EFHC2: variants seen among roughly 807,000 people sequenced by gnomAD.
EFHC2 encodes EF-hand domain-containing family member C2.
A neutral mutation model predicts 52.7 loss-of-function variants in EFHC2; 18 were observed. The observed-to-expected ratio is 0.34, with a 90% confidence interval of 0.24 to 0.51. The LOEUF (loss-of-function observed/expected upper bound fraction) is 0.51. EFHC2 is among the 20% of genes least tolerant of loss of function. The pLI, the probability that EFHC2 is intolerant of heterozygous loss-of-function variation, is 0.97. For synonymous variants in EFHC2, 203 were observed against 204.1 expected (o/e 0.99, Z 0.04); for missense variants, 513 against 562.5 (o/e 0.91, Z 0.89).
intron 11 of EFHC2, among the ~76,000 whole-genome samples, chrX:44,227,222 T>C (rs762889032): frequency 3.2e-4 from 35 of 110,304 alleles, no homozygotes; most frequent in Non-Finnish European, 5.9e-4. Flanking sequence ...GCATACATAA[T>C]GAAAGGAAAA....
intron 2 of EFHC2, among the ~76,000 whole-genome samples, chrX:44,305,502 A>C (rs2037899055): frequency 8.9e-6 from 1 of 111,784 alleles, no homozygotes; most frequent in South Asian, 3.7e-4. Flanking sequence ...CTAGCTTAAT[A>C]ACAGATAATA....
chrX:44,227,056 T>A (rs1447147864), intron 11 of EFHC2, among the ~76,000 whole-genome samples: 1 of 110,192 alleles, frequency 9.1e-6, no homozygotes, highest in African/African-American at 3.3e-5. Flanking sequence ...CCCATTCAAC[T>A]AGTATTTATT....
At position 44,321,490 on chromosome X, in the gene EFHC2, T is replaced by G. The variant is rs771643134; in HGVS notation, c.43-8734A>C. Among the ~76,000 whole-genome samples, 7 of 111,549 alleles carry G rather than the reference T, an allele frequency of 6.3e-5. No homozygotes were observed. In the South Asian group the frequency reaches 2.6e-3, roughly 42 times the overall value. On this transcript the variant is annotated intron_variant, in intron 1 of 14. Transcript: ENST00000420999. Reference sequence around the variant, plus strand: ...ACAGTGCTGGAATGAATGATGATAGTGCAGAAAAGAAGTCCAAGACTGAGC... The same window carrying G: ...ACAGTGCTGGAATGAATGATGATAGGGCAGAAAAGAAGTCCAAGACTGAGC...
chrX:44,252,049 T>C (rs1196779175), intron 4 of EFHC2, among the ~76,000 whole-genome samples: 2 of 111,968 alleles, frequency 1.8e-5, no homozygotes, highest in Non-Finnish European at 3.8e-5. Context: ...ATATTCACTG[T>C]TTTATTTCAG....
At chrX:44,256,560 C>T (rs185153231) in intron 4 of EFHC2, among the ~76,000 whole-genome samples, 185 of 111,670 alleles carry the variant, frequency 1.7e-3, no homozygotes, top group Non-Finnish European at 2.6e-3. Context: ...TGGACACATA[C>T]ACCCTCCCAA....
At chrX:44,317,010 G>A (rs1030722345) in intron 1 of EFHC2, among the ~76,000 whole-genome samples, 3 of 111,960 alleles carry the variant, frequency 2.7e-5, no homozygotes, top group South Asian at 3.7e-4. Flanking sequence ...CCGTCATTAC[G>A]AGACTGAACG....
intron 2 of EFHC2, among the ~76,000 whole-genome samples, chrX:44,283,499 C>G (rs774830935): frequency 9.1e-6 from 1 of 109,519 alleles, no homozygotes; most frequent in Non-Finnish European, 1.9e-5. Context: ...AGCACTTTGA[C>G]TCCCCGGAAG....
chrX:44,266,358 T>A (rs747751200), intron 3 of EFHC2, among the ~76,000 whole-genome samples: 1 of 110,367 alleles, frequency 9.1e-6, no homozygotes, highest in East Asian at 2.9e-4. Context: ...TTTTTTTAAA[T>A]TTTTTTAATT....
At position 44,286,679 on chromosome X, in the gene EFHC2, T is replaced by C. The variant is rs1172449765; in HGVS notation, c.232-13843A>G. On this transcript the variant is annotated intron_variant, in intron 2 of 14. Coordinates refer to ENST00000420999, the MANE Select transcript of EFHC2 (RefSeq NM_025184.4). ...AATTTTAAAAGTGAGGTAGGTGATT[T>C]GTGTATTATATTTGTATATTATAGG... 1.4e-4 allele frequency among the ~76,000 whole-genome samples: 16 copies of C among 111,194 alleles called. No homozygotes were observed. In the Admixed American group the frequency reaches 1.5e-3, roughly 11 times the overall value.
intron 2 of EFHC2, among the ~76,000 whole-genome samples, chrX:44,282,921 T>C (rs1001240553): frequency 9.2e-6 from 1 of 108,520 alleles, no homozygotes; most frequent in Non-Finnish European, 1.9e-5. Flanking sequence ...GAGGTGAGTG[T>C]TGCTCTTAGA....
At chrX:44,251,285 T>C (rs1484708469) in intron 4 of EFHC2, among the ~76,000 whole-genome samples, 2 of 98,911 alleles carry the variant, frequency 2.0e-5, no homozygotes, top group East Asian at 6.3e-4. Context: ...CAAACAAGTT[T>C]GAGGAAGTTT....
intron 9 of EFHC2, among the ~76,000 whole-genome samples, chrX:44,232,941 C>T (rs1321913978): frequency 1.8e-5 from 2 of 111,133 alleles, no homozygotes; most frequent in African/African-American, 3.3e-5. Flanking sequence ...GGCTGAGGCA[C>T]GAGGATCACT....
In EFHC2 at chrX:44,343,608, T is replaced by C; in HGVS notation, c.-20A>G. ...GGCCATGGCGCTCAGTGTCCGAAAA[T>C]CCAGGGTCCCAGAAGAGAGGGCCCG... On this transcript the variant is annotated 5_prime_UTR_variant, in exon 1 of 15. Transcript: ENST00000420999. 2 of 1,173,259 alleles carry C rather than the reference T, an allele frequency of 1.7e-6. No individual in the cohort carries two copies. Among genetic ancestry groups the C allele is most frequent in the Non-Finnish European group, 2.3e-6 (2 of 878,946 alleles).
intron 11 of EFHC2, among the ~76,000 whole-genome samples, chrX:44,219,166 T>TA (rs1440374764): frequency 6.3e-4 from 45 of 71,735 alleles, no homozygotes; most frequent in Middle Eastern, 8.1e-3. Flanking sequence ...AAAAAGCACC[T>TA]AAAGTGAAAA....
At chrX:44,231,519 C>G (rs993277143) in intron 10 of EFHC2, among the ~76,000 whole-genome samples, 7 of 109,348 alleles carry the variant, frequency 6.4e-5, no homozygotes, top group Admixed American at 4.9e-4. Flanking sequence ...TGAAGGTCCC[C>G]CCTGCCCACT....
intron 11 of EFHC2, among the ~76,000 whole-genome samples, chrX:44,216,543 A>G (rs765098691): frequency 5.4e-5 from 6 of 111,260 alleles, no homozygotes; most frequent in Non-Finnish European, 1.1e-4. Flanking sequence ...CTTCTGTCAT[A>G]TTCTATTGGT....
chrX:44,227,408 G>A (rs2037241358), intron 11 of EFHC2, among the ~76,000 whole-genome samples: 1 of 111,044 alleles, frequency 9.0e-6, no homozygotes, highest in Non-Finnish European at 1.9e-5. Flanking sequence ...CAAGCACAGA[G>A]GGCTCAGCAT....
At chrX:44,233,866 A>C (rs2037298004) in intron 9 of EFHC2, among the ~76,000 whole-genome samples, 1 of 111,753 alleles carries the variant, frequency 8.9e-6, no homozygotes, top group Non-Finnish European at 1.9e-5. Context: ...TGAGTGAGCA[A>C]GGCAGGGACA....
At chrX:44,178,314 T>C (rs1172630891) in intron 12 of EFHC2, 53 bp downstream of exon 12, 1 of 1,060,434 alleles carries the variant, frequency 9.4e-7, no homozygotes, top group Non-Finnish European at 1.3e-6. Context: ...ATTCCTTCAT[T>C]ACTCAGGTTC....
Sources: gnomAD v4.1 joint callset for allele counts (sites outside exome capture counted in the v4.1 genomes callset) on GRCh38, gnomAD v4.1.1 for gene constraint, MANE v1.5 for transcripts, NCBI Gene and HGNC (gene_info 2026-07-23, HGNC 2026-07-21) for gene names.